Variants in MSN observed in about 807,000 individuals in gnomAD.
MSN encodes moesin.
In MSN, 2 loss-of-function variants were observed where a neutral mutation model predicts 48.0. That is an observed-to-expected ratio of 0.04 (90% CI 0.02 to 0.13). The LOEUF is 0.13. MSN is among the 10% of genes least tolerant of loss of function. The pLI is 1.00. For missense variants in MSN, 267 were observed against 470.1 expected (o/e 0.57, Z 3.99); for synonymous variants, 146 against 166.9 (o/e 0.87, Z 0.97).
chrX:65,643,231 T>A (rs1227213272), intron 1 of MSN, among the ~76,000 whole-genome samples: 2 of 111,752 alleles, frequency 1.8e-5, no homozygotes, highest in Non-Finnish European at 3.8e-5. Flanking sequence ...CTTTGAATCT[T>A]GAATGCTTTC....
At chrX:65,668,307 C>T (rs2070894350) in intron 1 of MSN, among the ~76,000 whole-genome samples, 1 of 112,176 alleles carries the variant, frequency 8.9e-6, no homozygotes, top group East Asian at 2.8e-4. Flanking sequence ...GGGAGCCGCT[C>T]GGGGCGGATC....
rs929184156 is a variant in MSN, at chrX:65,591,327, C to G, written c.-22+2715C>G. Among the ~76,000 whole-genome samples, 4 of 111,855 alleles carry G rather than the reference C, an allele frequency of 3.6e-5. No homozygotes were observed. In the South Asian group the frequency reaches 1.1e-3, roughly 31 times the overall value. ...ATGTCTCTGGTGGACTGTCATAACTCTCACCACTGTCGGCTAGGGAGATGT... is the reference window on the plus strand; with the variant it reads ...ATGTCTCTGGTGGACTGTCATAACTGTCACCACTGTCGGCTAGGGAGATGT... On this transcript the variant is annotated intron_variant, in intron 1 of 3. Coordinates refer to the MSN transcript ENST00000609672.
intron 2 of MSN, among the ~76,000 whole-genome samples, chrX:65,726,844 AC>A (rs2071572450): frequency 9.0e-6 from 1 of 111,350 alleles, no homozygotes; most frequent in African/African-American, 3.3e-5. Flanking sequence ...GCTCAGCTTC[AC>A]TGCTGCCATC....
At chrX:65,616,148 T>C (rs1389502197) in intron 1 of MSN, among the ~76,000 whole-genome samples, 36 of 111,531 alleles carry the variant, frequency 3.2e-4, no homozygotes, top group Non-Finnish European at 4.7e-4. Context: ...GTGATGCCTC[T>C]AGCTTTGTTC....
intron 1 of MSN, among the ~76,000 whole-genome samples, chrX:65,702,049 G>T (rs1360209182): frequency 1.3e-4 from 13 of 101,133 alleles, no homozygotes; most frequent in Non-Finnish European, 2.0e-4. Context: ...TCTGTCGCCT[G>T]TCGCCCATGC....
chrX:65,589,677 A>C (rs987189258), intron 1 of MSN: 1 of 111,412 alleles, frequency 9.0e-6, no homozygotes, highest in African/African-American at 3.3e-5. Flanking sequence ...GCAGGCTCAC[A>C]GTTTTCCATG....
intron 1 of MSN, among the ~76,000 whole-genome samples, chrX:65,654,709 C>T (rs1374979502): frequency 9.0e-6 from 1 of 111,368 alleles, no homozygotes; most frequent in South Asian, 3.7e-4. Context: ...AAGGCATATA[C>T]GTATGAATAA....
At position 65,739,003 on chromosome X, in the gene MSN, C is replaced by T. The variant is rs2071709070; in HGVS notation, c.1378C>T (p.Arg460Cys). 1 of 1,211,520 alleles carries T rather than the reference C, an allele frequency of 8.3e-7. No homozygotes were observed. ...GGTACAGGAAGACTTGGAGAAGACC[C>T]GTGCTGAGCTGAAGACTGCCATGAG... ...QMVQEDLEKT[R>C]AELKTAMSTP... The change falls in exon 12 of 13, where the codon CGT becomes TGT. Residue 460 changes from arginine to cysteine, a missense_variant. Transcript: ENST00000360270.
chrX:65,656,022 C>T, intron 1 of MSN, among the ~76,000 whole-genome samples: 1 of 112,146 alleles, frequency 8.9e-6, no homozygotes, highest in Non-Finnish European at 1.9e-5. Flanking sequence ...CCGCCTTGGC[C>T]TCCCAAAGTT....
chrX:65,635,955 A>C (rs1054660738), intron 1 of MSN, among the ~76,000 whole-genome samples: 1 of 112,269 alleles, frequency 8.9e-6, no homozygotes, highest in African/African-American at 3.2e-5. Flanking sequence ...CACTCCTTAA[A>C]TATTTATATG....
At chrX:65,714,295 T>TA (rs1398682034) in intron 1 of MSN, among the ~76,000 whole-genome samples, 1 of 112,004 alleles carries the variant, frequency 8.9e-6, no homozygotes, top group Non-Finnish European at 1.9e-5. Flanking sequence ...TATGTATTTT[T>TA]ATGATAGAAT....
intron 1 of MSN, among the ~76,000 whole-genome samples, chrX:65,648,043 G>A (rs570631585): frequency 1.0e-4 from 11 of 109,565 alleles, no homozygotes; most frequent in African/African-American, 3.7e-4. Flanking sequence ...CAGGGTAGTG[G>A]CAGTGGACAT....
chrX:65,727,099 G>A (rs1266033738), intron 2 of MSN, among the ~76,000 whole-genome samples: 1 of 111,498 alleles, frequency 9.0e-6, no homozygotes, highest in African/African-American at 3.3e-5. Flanking sequence ...CTCTGATCAG[G>A]GTTGGAAAAA....
intron 2 of MSN, among the ~76,000 whole-genome samples, chrX:65,725,367 C>A (rs1236549547): frequency 9.0e-6 from 1 of 111,516 alleles, no homozygotes; most frequent in Non-Finnish European, 1.9e-5. Context: ...CCCTCATGGT[C>A]CATCTTCTTC....
chrX:65,696,398 T>A (rs777389532), intron 1 of MSN, among the ~76,000 whole-genome samples: 23 of 111,960 alleles, frequency 2.1e-4, no homozygotes, highest in Non-Finnish European at 3.9e-4. Context: ...GCCTTACTTG[T>A]TTTTCCAGAT....
chrX:65,644,994 C>A (rs1344609673), intron 1 of MSN, among the ~76,000 whole-genome samples: 1 of 112,559 alleles, frequency 8.9e-6, no homozygotes, highest in Admixed American at 9.4e-5. Flanking sequence ...TACCCCCAAT[C>A]TCAGAACAGA....
intron 11 of MSN, 25 bp from the exon 12 acceptor site, chrX:65,738,945 T>C: frequency 8.3e-7 from 1 of 1,203,092 alleles, no homozygotes; most frequent in Non-Finnish European, 1.1e-6. Flanking sequence ...ACTGACAGTC[T>C]TTCTCTCCTT....
intron 1 of MSN, among the ~76,000 whole-genome samples, chrX:65,704,091 G>A (rs2071337357): frequency 9.0e-6 from 1 of 111,493 alleles, no homozygotes; most frequent in South Asian, 3.8e-4. Context: ...CCTGGGCAGA[G>A]CTGGCATATT....
At chrX:65,640,572 G>A (rs772327109) in intron 1 of MSN, among the ~76,000 whole-genome samples, 10 of 110,775 alleles carry the variant, frequency 9.0e-5, no homozygotes, top group African/African-American at 3.3e-4. Context: ...AAATGTCACC[G>A]TTAGAGAGAT....
Sources: allele counts gnomAD v4.1 joint callset (sites outside exome capture counted in the v4.1 genomes callset), GRCh38; gene constraint gnomAD v4.1.1; transcripts MANE v1.5; gene names NCBI Gene and HGNC (gene_info 2026-07-23, HGNC 2026-07-21).